CCNYL1: variants seen among roughly 807,000 people sequenced by gnomAD.
CCNYL1 encodes the protein cyclin Y like 1.
CCNYL1 carries 16 observed loss-of-function variants against 44.2 expected under a neutral mutation model. That is an observed-to-expected ratio of 0.36 (90% CI 0.25 to 0.55). The LOEUF (loss-of-function observed/expected upper bound fraction) is 0.55, where lower values mean the gene tolerates loss of function less well. Among genes scored for constraint, CCNYL1 ranks in the 20% least tolerant of loss-of-function variants. The pLI is 0.85. For missense variants in CCNYL1, 348 were observed against 451.8 expected (o/e 0.77, Z 2.08); for synonymous variants, 159 against 163.2 (o/e 0.97, Z 0.20).
chr2:207,738,748 C>T (rs2091785176), intron 5 of CCNYL1, among the ~76,000 whole-genome samples: 1 of 150,392 alleles, frequency 6.6e-6, no homozygotes, highest in Non-Finnish European at 1.5e-5. Context: ...GAGACAGAGT[C>T]TCATTCCATC....
At chr2:207,751,361 CA>C (rs1301986684) in intron 9 of CCNYL1, among the ~76,000 whole-genome samples, 1 of 152,174 alleles carries the variant, frequency 6.6e-6, no homozygotes, top group Non-Finnish European at 1.5e-5. Context: ...TATTTTAAAT[CA>C]AATTTAATCT....
chr2:207,734,174 A>G, intron 4 of CCNYL1, 127 bp downstream of exon 4: 1 of 568,926 alleles, frequency 1.8e-6, no homozygotes, highest in Non-Finnish European at 3.2e-6. Context: ...AATCGGTGTC[A>G]ACTATATATT....
intron 9 of CCNYL1, among the ~76,000 whole-genome samples, chr2:207,752,006 G>C (rs895056489): frequency 3.6e-4 from 55 of 152,074 alleles, no homozygotes; most frequent in African/African-American, 1.3e-3. Flanking sequence ...CTGCACTCTA[G>C]CCTAGGTGAC....
intron 1 of CCNYL1, among the ~76,000 whole-genome samples, chr2:207,722,552 C>T (rs532299278): frequency 2.6e-4 from 40 of 151,930 alleles, no homozygotes; most frequent in African/African-American, 9.4e-4. Flanking sequence ...TTTATCATGA[C>T]ATAGGTACTG....
chr2:207,717,437 A>G lies in CCNYL1; in HGVS notation c.220+5321A>G, dbSNP rs1245247049. 2.0e-5 allele frequency among the ~76,000 whole-genome samples: 3 copies of G among 152,228 alleles called. No individual in the cohort carries two copies. The East Asian group carries it at 5.8e-4, about 29-fold the overall frequency. On this transcript the variant is annotated intron_variant, in intron 1 of 9. Transcript: ENST00000295414. Reference sequence around the variant, plus strand: ...TTCCAGATTTAGGGCAGACAGTGGTATACAAGACAGAACCTCATCCTAACT... The same window carrying G: ...TTCCAGATTTAGGGCAGACAGTGGTGTACAAGACAGAACCTCATCCTAACT...
At chr2:207,750,804 T>TTA (rs1559173777) in intron 8 of CCNYL1, 153 bp from the exon 9 acceptor site, 3 of 636,446 alleles carry the variant, frequency 4.7e-6, no homozygotes, top group Non-Finnish European at 7.9e-6. Context: ...TAACTGTACC[T>TTA]TATGTGAACA....
At chr2:207,726,816 G>T in intron 2 of CCNYL1, 26 bp from the exon 3 acceptor site, 2 of 1,537,446 alleles carry the variant, frequency 1.3e-6, no homozygotes, top group South Asian at 2.4e-5. Context: ...TATCAGAATT[G>T]ATCAGCTAAT....
Position 207,733,534 on chromosome 2 carries a change from T to C in CCNYL1, c.331-413T>C, listed in dbSNP as rs182342684. ...ACTTAGTAAATGTAGTATTAGGCTT[T>C]CATTTACTTCAATAAAATGCTCTTA... On this transcript the variant is annotated intron_variant, in intron 3 of 9. Transcript: ENST00000295414. 3.7e-4 allele frequency among the ~76,000 whole-genome samples: 57 copies of C among 152,358 alleles called. No homozygotes were observed. In the East Asian group the frequency reaches 9.4e-3, roughly 25 times the overall value.
intron 1 of CCNYL1, among the ~76,000 whole-genome samples, chr2:207,712,440 G>A (rs74320331): frequency 3.9e-5 from 6 of 152,262 alleles, no homozygotes; most frequent in African/African-American, 1.2e-4. Context: ...GACTTTTGGG[G>A]TATATTGTTT....
chr2:207,746,448 G>C (rs1353364383), intron 7 of CCNYL1, among the ~76,000 whole-genome samples: 1 of 152,190 alleles, frequency 6.6e-6, no homozygotes, highest in Non-Finnish European at 1.5e-5. Flanking sequence ...TCTATTATGG[G>C]TGTGGAGGTG....
chr2:207,717,762 A>G (rs1444496044), intron 1 of CCNYL1, among the ~76,000 whole-genome samples: 1 of 152,174 alleles, frequency 6.6e-6, no homozygotes, highest in Non-Finnish European at 1.5e-5. Context: ...AGAAAGACAC[A>G]GGGTGGCTGC....
chr2:207,724,711 A>T, intron 1 of CCNYL1, 89 bp from the exon 2 acceptor site: 1 of 942,440 alleles, frequency 1.1e-6, no homozygotes, highest in Non-Finnish European at 1.7e-6. Context: ...GAAGACTGTT[A>T]AAAGTGATTA....
At position 207,730,117 on chromosome 2, in the gene CCNYL1, GA is replaced by G. The variant is rs1379074831; in HGVS notation, c.330+3245del. Among the ~76,000 whole-genome samples the G allele has an allele frequency of 5.3e-5, 8 of 152,266 alleles. No homozygotes were observed. The East Asian group carries it at 1.5e-3, about 29-fold the overall frequency. ...TGCTCATTTTCCAGAAGCAGAGTTG[GA>G]AAAGGGAGGTGGAGTTCCACTTCTC... is the stretch of plus-strand genomic sequence containing the variant. On this transcript the variant is annotated intron_variant, in intron 3 of 9. Transcript: ENST00000295414.
rs2091747359 is a variant in CCNYL1, at chr2:207,734,019, C to T, written c.403C>T (p.Gln135Ter). ...TIFLDDSTVS[Q>*]PNLRTTVKCV... ...ATTTCTAGATGACAGCACAGTCAGC[C>T]AGCCTAATCTTAGAACCACAGTAAA... The change falls in exon 4 of 10, where the codon CAG (glutamine) becomes TAG (stop). Residue 135 changes from glutamine to a stop codon, truncating the protein, a stop_gained. Transcript: ENST00000295414. LOFTEE classifies it high-confidence loss of function. The T allele has an allele frequency of 6.2e-7, 1 of 1,613,300 alleles. No homozygotes were observed. The highest frequency in any genetic ancestry group is 1.3e-5 in the African/African-American group (1 of 74,894).
At chr2:207,747,717 G>A (rs2091864206) in intron 8 of CCNYL1, among the ~76,000 whole-genome samples, 1 of 152,072 alleles carries the variant, frequency 6.6e-6, no homozygotes, top group Non-Finnish European at 1.5e-5. Context: ...GCGCCACCAT[G>A]CCTGGCTAAT....
rs1439955218 is a variant in CCNYL1 at position 207,755,885 on chromosome 2, T to TATAA, written c.*2189_*2192dup. The TATAA allele has an allele frequency of 6.6e-6, 1 of 152,216 alleles. No individual in the cohort carries two copies. Among genetic ancestry groups the TATAA allele is most frequent in the Non-Finnish European group, 1.5e-5 (1 of 68,020 alleles). The allele number at this position is 152,216 out of a possible 1,614,324, so 9.4% of individuals were successfully genotyped here. A position where few individuals can be genotyped will look rare whatever the true frequency, so the allele number is the denominator to read the frequency against. On this transcript the variant is annotated 3_prime_UTR_variant, in exon 10 of 10. Coordinates refer to ENST00000295414, the MANE Select transcript of CCNYL1 (RefSeq NM_001330218.2). ...CAAATCTAATCCTAGGAATCTTGCT[T>TATAA]ATAAACAAAGCATTTCTGGGACAGG...
rs115536312 is a variant in CCNYL1, at chr2:207,733,238, A to T, written c.331-709A>T. Among the ~76,000 whole-genome samples the T allele has an allele frequency of 8.0e-4, 122 of 152,356 alleles. 1 individual carries two copies. The highest frequency in any genetic ancestry group is 6.8e-3 in the Middle Eastern group (2 of 294). On this transcript the variant is annotated intron_variant, in intron 3 of 9. Transcript: ENST00000295414. ...GTCAAATAACTTATAGAATAAAATTAATAACATTTTGAAATGGAGAGTGTT... is the reference window on the plus strand; with the variant it reads ...GTCAAATAACTTATAGAATAAAATTTATAACATTTTGAAATGGAGAGTGTT...
At chr2:207,732,544 A>G (rs2091736187) in intron 3 of CCNYL1, among the ~76,000 whole-genome samples, 1 of 152,142 alleles carries the variant, frequency 6.6e-6, no homozygotes, top group African/African-American at 2.4e-5. Context: ...GTGTGACAAC[A>G]TGGTAAAAAC....
At chr2:207,712,230 C>G in intron 1 of CCNYL1, 114 bp downstream of exon 1, 1 of 837,512 alleles carries the variant, frequency 1.2e-6, no homozygotes, top group Non-Finnish European at 1.8e-6. Flanking sequence ...GTAGCCGGCC[C>G]CGGGACGAAG....
Sources: gnomAD v4.1 joint callset for allele counts (sites outside exome capture counted in the v4.1 genomes callset) on GRCh38, gnomAD v4.1.1 for gene constraint, MANE v1.5 for transcripts, NCBI Gene and HGNC (gene_info 2026-07-23, HGNC 2026-07-21) for gene names.